NRIP1: variants seen among roughly 807,000 people sequenced by gnomAD.
The protein encoded by NRIP1 is nuclear receptor interacting protein 1, also known as nuclear receptor-interacting protein 1.
A neutral mutation model predicts 75.0 loss-of-function variants in NRIP1; 28 were observed. The observed-to-expected ratio is 0.37, with a 90% CI of 0.28 to 0.51. The LOEUF (loss-of-function observed/expected upper bound fraction) is 0.51, where lower values mean the gene tolerates loss of function less well. NRIP1 is among the 20% of genes least tolerant of loss of function. The pLI, the probability that NRIP1 is intolerant of heterozygous loss-of-function variation, is 0.92. For missense variants in NRIP1, 1,435 were observed against 1,343.7 expected (o/e 1.07, Z -1.06); for synonymous variants, 526 against 487.6 (o/e 1.08, Z -1.04).
chr21:15,057,292 G>GA (rs1315031895), intron 1 of NRIP1, among the ~76,000 whole-genome samples: 1 of 152,110 alleles, frequency 6.6e-6, no homozygotes, highest in East Asian at 1.9e-4. Context: ...CTAGCCTTGG[G>GA]AACACTCAGT....
intron 1 of NRIP1, among the ~76,000 whole-genome samples, chr21:15,059,677 A>T (rs1180216548): frequency 6.6e-6 from 1 of 152,158 alleles, no homozygotes; most frequent in African/African-American, 2.4e-5. Context: ...TTTGTTTAGC[A>T]GGTAATTATT....
intron 3 of NRIP1, among the ~76,000 whole-genome samples, chr21:14,970,494 C>T (rs1311855272): frequency 3.9e-5 from 6 of 152,200 alleles, no homozygotes; most frequent in South Asian, 2.1e-4. Context: ...TGCAGTGAGC[C>T]GAGATCGTGC....
chr21:15,030,363 TCA>T (rs763208029), intron 2 of NRIP1, among the ~76,000 whole-genome samples: 36 of 152,340 alleles, frequency 2.4e-4, no homozygotes, highest in Non-Finnish European at 4.3e-4. Context: ...TTACGAATAT[TCA>T]CACAGTTTCC....
chr21:15,031,147 G>A (rs1183825213), intron 2 of NRIP1, among the ~76,000 whole-genome samples: 2 of 134,930 alleles, frequency 1.5e-5, no homozygotes, highest in Non-Finnish European at 3.2e-5. Context: ...GCGCACGGAG[G>A]ATCACCACAT....
intron 3 of NRIP1, among the ~76,000 whole-genome samples, chr21:14,978,127 A>G (rs564357453): frequency 1.7e-3 from 256 of 152,344 alleles, no homozygotes; most frequent in African/African-American, 6.0e-3. Context: ...AAATAGTGTC[A>G]TTCACATTCC....
chr21:14,980,316 A>T (rs1420987203), intron 3 of NRIP1, among the ~76,000 whole-genome samples: 2 of 151,912 alleles, frequency 1.3e-5, no homozygotes, highest in Non-Finnish European at 2.9e-5. Context: ...TCTACTAAAA[A>T]TACAAAAATT....
At chr21:15,018,292 T>C (rs2088283933) in intron 2 of NRIP1, among the ~76,000 whole-genome samples, 1 of 152,144 alleles carries the variant, frequency 6.6e-6, no homozygotes, top group Non-Finnish European at 1.5e-5. Flanking sequence ...ATTAGAAGGC[T>C]AGACACTATG....
Position 14,978,777 on chromosome 21 carries a change from T to G in NRIP1, c.-334-10251A>C, listed in dbSNP as rs565926156. On this transcript the variant is annotated intron_variant, in intron 3 of 3. Coordinates refer to ENST00000318948, the MANE Select transcript of NRIP1 (RefSeq NM_003489.4). Reference sequence around the variant, plus strand: ...TTTACACTGCCTCTATAGTTAATCTTAAAAACATTTAATTTTTAAACAAAA... The same window carrying G: ...TTTACACTGCCTCTATAGTTAATCTGAAAAACATTTAATTTTTAAACAAAA... Among the ~76,000 whole-genome samples, 3 of 152,290 alleles carry G rather than the reference T, an allele frequency of 2.0e-5. No homozygotes were observed. In the South Asian group the frequency reaches 6.2e-4, roughly 32 times the overall value.
intron 2 of NRIP1, among the ~76,000 whole-genome samples, chr21:15,041,162 T>C (rs564535231): frequency 6.6e-6 from 1 of 152,154 alleles, no homozygotes; most frequent in Non-Finnish European, 1.5e-5. Context: ...ATAGACAATT[T>C]AGGGGGAAAA....
chr21:15,048,770 G>GA (rs1471845547), intron 1 of NRIP1, among the ~76,000 whole-genome samples: 1 of 152,148 alleles, frequency 6.6e-6, no homozygotes, highest in African/African-American at 2.4e-5. Flanking sequence ...ACATGACTCT[G>GA]AAACTATTCT....
At chr21:15,055,178 G>A (rs1471193484) in intron 1 of NRIP1, among the ~76,000 whole-genome samples, 3 of 152,128 alleles carry the variant, frequency 2.0e-5, no homozygotes, top group African/African-American at 7.2e-5. Flanking sequence ...GAGGAATGGG[G>A]TCCATAAACT....
At chr21:15,004,042 C>G (rs568442351) in intron 3 of NRIP1, among the ~76,000 whole-genome samples, 7 of 152,232 alleles carry the variant, frequency 4.6e-5, no homozygotes, top group African/African-American at 1.7e-4. Context: ...AATACCCATA[C>G]CTAAAAATAT....
chr21:15,038,800 A>G (rs2088890987), intron 2 of NRIP1, among the ~76,000 whole-genome samples: 2 of 152,232 alleles, frequency 1.3e-5, no homozygotes, highest in Admixed American at 1.3e-4. Context: ...AAAAATGTGT[A>G]TCTTCTCCAT....
At chr21:15,042,738 C>T (rs1052412353) in intron 2 of NRIP1, among the ~76,000 whole-genome samples, 2 of 152,212 alleles carry the variant, frequency 1.3e-5, no homozygotes, top group African/African-American at 4.8e-5. Flanking sequence ...ACTTCCCAGC[C>T]TCCAGAACTG....
intron 1 of NRIP1, among the ~76,000 whole-genome samples, chr21:15,057,549 C>G (rs1218706018): frequency 6.6e-6 from 1 of 152,146 alleles, no homozygotes; most frequent in Non-Finnish European, 1.5e-5. Context: ...TGTGCCTTCC[C>G]AGAGAGCCTG....
intron 3 of NRIP1, among the ~76,000 whole-genome samples, chr21:14,985,115 G>A (rs1281196829): frequency 6.6e-6 from 1 of 152,176 alleles, no homozygotes; most frequent in Non-Finnish European, 1.5e-5. Context: ...TTCCCCATGA[G>A]AGTATAAACT....
intron 1 of NRIP1, among the ~76,000 whole-genome samples, chr21:15,046,535 G>T (rs952791991): frequency 6.6e-6 from 1 of 152,056 alleles, no homozygotes; most frequent in African/African-American, 2.4e-5. Flanking sequence ...ATTCTTAAGG[G>T]GCTTAGGATT....
intron 1 of NRIP1, among the ~76,000 whole-genome samples, chr21:15,064,342 C>T (rs936339405): frequency 6.6e-6 from 1 of 152,222 alleles, no homozygotes; most frequent in Non-Finnish European, 1.5e-5. Context: ...CGCCCAGGAT[C>T]CGGCTGGACA....
intron 1 of NRIP1, chr21:15,051,115 T>C: frequency 2.8e-6 from 1 of 355,888 alleles, no homozygotes; most frequent in South Asian, 2.1e-5. Flanking sequence ...TCCTGCCCCT[T>C]TGGCCCCTAG....
Sources: allele counts gnomAD v4.1 joint callset (sites outside exome capture counted in the v4.1 genomes callset), GRCh38; gene constraint gnomAD v4.1.1; transcripts MANE v1.5; gene names NCBI Gene and HGNC (gene_info 2026-07-23, HGNC 2026-07-21).